The following RAD51AP2 variants were observed in gnomAD, a reference collection of about 807,000 sequenced individuals.
RAD51AP2 encodes RAD51-associated protein 2.
In RAD51AP2, 67 loss-of-function variants were observed where a neutral mutation model predicts 85.5. The ratio of observed to expected loss-of-function variants is 0.78; its 90% CI spans 0.64 to 0.96. The LOEUF is 0.96. Ranked by LOEUF, RAD51AP2 falls within the 40% of genes least tolerant of loss-of-function variation. RAD51AP2 has a pLI of 0.00. For synonymous variants in RAD51AP2, 474 were observed against 446.5 expected (o/e 1.06, Z -0.78); for missense variants, 1,307 against 1,332.4 (o/e 0.98, Z 0.30).
At chr2:17,511,295 A>G (rs1301327240) in intron 2 of RAD51AP2, among the ~76,000 whole-genome samples, 1 of 152,032 alleles carries the variant, frequency 6.6e-6, no homozygotes, top group Non-Finnish European at 1.5e-5. Flanking sequence ...ACACCAGGTC[A>G]TTTTTTCTAT....
chr2:17,513,888 T>G, intron 2 of RAD51AP2, 124 bp downstream of exon 2: 1 of 624,602 alleles, frequency 1.6e-6, no homozygotes, highest in East Asian at 2.9e-5. Flanking sequence ...TTAATGCTCT[T>G]AAAAGGTGCT....
At chr2:17,532,634 T>C in the RAD51AP2 span, among the ~76,000 whole-genome samples, 37 of 152,256 alleles carry the variant, frequency 2.4e-4, no homozygotes, top group African/African-American at 8.7e-4. Flanking sequence ...AAGGGAACCA[T>C]TGACTTGTGG....
intron 2 of RAD51AP2, among the ~76,000 whole-genome samples, chr2:17,512,669 C>T (rs190801487): frequency 6.6e-6 from 1 of 152,122 alleles, no homozygotes; most frequent in Non-Finnish European, 1.5e-5. Context: ...TATTCTATAT[C>T]AAAATATATT....
the RAD51AP2 span, among the ~76,000 whole-genome samples, chr2:17,526,867 G>A: frequency 6.6e-6 from 1 of 152,106 alleles, no homozygotes; most frequent in Non-Finnish European, 1.5e-5. Flanking sequence ...ATTTGCCAGA[G>A]GTTCAGTAGA....
chr2:17,522,021 A>C (rs1662867657), upstream of RAD51AP2, among the ~76,000 whole-genome samples: 1 of 152,026 alleles, frequency 6.6e-6, no homozygotes, highest in African/African-American at 2.4e-5. Flanking sequence ...CTTTCTGAGA[A>C]TATTGTAATA....
upstream of RAD51AP2, among the ~76,000 whole-genome samples, chr2:17,520,720 C>G (rs1340361042): frequency 6.6e-6 from 1 of 151,656 alleles, no homozygotes; most frequent in Non-Finnish European, 1.5e-5. Context: ...TATGTCACAT[C>G]CTCACTACTA....
Position 17,516,492 on chromosome 2 carries a change from T to G in RAD51AP2, c.1924A>C (p.Asn642His). ...CTTTTCTTTAACATAGGTTTCATAT[T>G]ATCTTCTAATAGTCTTGAAGAAGTT... ...ILTSSRLLEDNMKPMLKKRKL... is the reference protein window; with the variant it reads ...ILTSSRLLEDHMKPMLKKRKL... Residue 642 changes from asparagine (N) to histidine (H), a missense_variant, in exon 1 of 3, where the codon AAT becomes CAT. This residue lies in a region of RAD51AP2 where 668 missense variants were observed against 671.0 expected (regional missense o/e 1.00). Coordinates refer to ENST00000399080, the MANE Select transcript of RAD51AP2 (RefSeq NM_001099218.3). 2 of 1,537,050 alleles carry G rather than the reference T, an allele frequency of 1.3e-6. No homozygotes were observed. The highest frequency in any genetic ancestry group is 1.8e-6 in the Non-Finnish European group (2 of 1,129,510).
chr2:17,519,982 T>C (rs561944303), upstream of RAD51AP2, among the ~76,000 whole-genome samples: 1 of 152,326 alleles, frequency 6.6e-6, no homozygotes, highest in South Asian at 2.1e-4. Flanking sequence ...GATTGATCTG[T>C]AACTTGATAT....
chr2:17,518,005 C>G lies in RAD51AP2; in HGVS notation c.411G>C (p.Leu137=). Residue 137 remains leucine, a synonymous_variant, in exon 1 of 3, where the codon CTG becomes CTC. Transcript: ENST00000399080. ...LRASGRSEAG[L]HDREAFSVHR... ...GCACACTGAAAGCCTCTCTGTCATG[C>G]AGGCCTGCCTCAGACCTTCCTGAAG... The G allele has an allele frequency of 1.2e-6, 2 of 1,614,164 alleles. No homozygotes were observed. The highest frequency in any genetic ancestry group is 1.7e-6 in the Non-Finnish European group (2 of 1,180,014).
chr2:17,517,259 A>G lies in RAD51AP2; in HGVS notation c.1157T>C (p.Leu386Pro). The stretch of plus-strand genomic sequence containing the variant: ...GTTTTGAGATTTTTCCAGCCTGGTA[A>G]GTACGTAACTGTCCAGACATTCTGC... ...EEAECLDSYV[L>P]TRLEKSQNWD... The change falls in exon 1 of 3, where the codon CTT (leucine) becomes CCT (proline). Residue 386 changes from leucine (L) to proline (P), a missense_variant. Leu to Pro is a moderately conservative substitution (Grantham distance 98). Transcript: ENST00000399080. 1.2e-6 allele frequency: 2 copies of G among 1,613,988 alleles called. No homozygotes were observed. Among genetic ancestry groups the G allele is most frequent in the South Asian group, 2.2e-5 (2 of 91,052 alleles).
At chr2:17,534,385 A>G in the RAD51AP2 span, among the ~76,000 whole-genome samples, 118 of 152,338 alleles carry the variant, frequency 7.7e-4, no homozygotes, top group African/African-American at 2.3e-3. Context: ...CCCAAGCAAG[A>G]ACCTGAAACT....
chr2:17,536,508 T>C, the RAD51AP2 span, among the ~76,000 whole-genome samples: 2 of 152,226 alleles, frequency 1.3e-5, no homozygotes, highest in Non-Finnish European at 2.9e-5. Context: ...TAAAGTATTC[T>C]CTATTCTTGA....
the RAD51AP2 span, among the ~76,000 whole-genome samples, chr2:17,531,336 A>C: frequency 6.6e-6 from 1 of 152,166 alleles, no homozygotes; most frequent in Non-Finnish European, 1.5e-5. Flanking sequence ...ATGAATATTA[A>C]GATATATAAC....
chr2:17,518,350 A>G lies in RAD51AP2; in HGVS notation c.66T>C (p.Pro22=). 4 of 1,613,874 alleles carry G rather than the reference A, an allele frequency of 2.5e-6. No homozygotes were observed. Among genetic ancestry groups the G allele is most frequent in the Non-Finnish European group, 3.4e-6 (4 of 1,179,882 alleles). ...GTGGTTGGGAATCCGGGTCCTCAGGAGGCGTTAAAGAGGAGGTAGGCTTTC... is the reference window on the plus strand; with the variant it reads ...GTGGTTGGGAATCCGGGTCCTCAGGGGGCGTTAAAGAGGAGGTAGGCTTTC... ...ELRKPTSSLT[P]PEDPDSQPPS... The change falls in exon 1 of 3, where the codon CCT becomes CCC. Residue 22 remains proline (P), a synonymous_variant. Transcript: ENST00000399080.
chr2:17,531,360 T>A, the RAD51AP2 span, among the ~76,000 whole-genome samples: 2 of 152,106 alleles, frequency 1.3e-5, no homozygotes, highest in Non-Finnish European at 2.9e-5. Flanking sequence ...TTAAATAATG[T>A]TATTTAGTCT....
the RAD51AP2 span, among the ~76,000 whole-genome samples, chr2:17,533,034 T>G: frequency 6.6e-6 from 1 of 152,216 alleles, no homozygotes; most frequent in Non-Finnish European, 1.5e-5. Flanking sequence ...GAATAACAAG[T>G]GCAAAAGCAA....
chr2:17,516,133 T>C lies in RAD51AP2; in HGVS notation c.2283A>G (p.Gln761=). The part of the protein sequence containing the change: ...ENFYEVNMHS[Q]DLNMERKQGH... ...CCTGTTTTCTTTCCATATTTAAATCTTGGCTGTGCATATTTACTTCATAAA... is the reference window on the plus strand; with the variant it reads ...CCTGTTTTCTTTCCATATTTAAATCCTGGCTGTGCATATTTACTTCATAAA... The change falls in exon 1 of 3, where the codon CAA becomes CAG. Residue 761 remains glutamine, a synonymous_variant. Coordinates refer to ENST00000399080, the MANE Select transcript of RAD51AP2 (RefSeq NM_001099218.3). 1 of 1,612,712 alleles carries C rather than the reference T, an allele frequency of 6.2e-7. No individual in the cohort carries two copies. The highest frequency in any genetic ancestry group is 1.1e-5 in the South Asian group (1 of 90,668).
chr2:17,535,548 T>C, the RAD51AP2 span, among the ~76,000 whole-genome samples: 337 of 152,258 alleles, frequency 2.2e-3, no homozygotes, highest in African/African-American at 7.6e-3. Context: ...GGAATGAATT[T>C]GCAAGACATT....
the RAD51AP2 span, among the ~76,000 whole-genome samples, chr2:17,530,120 A>G: frequency 3.3e-5 from 5 of 152,196 alleles, no homozygotes; most frequent in Non-Finnish European, 5.9e-5. Flanking sequence ...CTCTCTGGAG[A>G]AGATTCTATC....
Sources: gnomAD v4.1 joint callset for allele counts (sites outside exome capture counted in the v4.1 genomes callset) on GRCh38, gnomAD v4.1.1 for gene constraint, gnomAD v4.1.1 regional missense constraint, MANE v1.5 for transcripts, NCBI Gene and HGNC (gene_info 2026-07-23, HGNC 2026-07-21) for gene names.